Variants in TMEM178B observed in about 807,000 individuals in gnomAD.
TMEM178B encodes the protein transmembrane protein 178B.
Under a neutral mutation model 31.0 loss-of-function variants are expected in TMEM178B, and 5 were observed. The ratio of observed to expected loss-of-function variants is 0.16; its 90% CI spans 0.08 to 0.34. The LOEUF is 0.34. Among genes scored for constraint, TMEM178B ranks in the 10% least tolerant of loss-of-function variants. The pLI is 1.00. For missense variants in TMEM178B, 275 were observed against 400.3 expected (o/e 0.69, Z 2.67); for synonymous variants, 164 against 164.0 (o/e 1.00, Z 0.00).
chr7:141,163,715 AT>A (rs1237250272), intron 1 of TMEM178B, among the ~76,000 whole-genome samples: 2 of 151,996 alleles, frequency 1.3e-5, no homozygotes, highest in Non-Finnish European at 2.9e-5. Context: ...GGGTTTCACC[AT>A]GTGGCCAGGC....
the TMEM178B span, among the ~76,000 whole-genome samples, chr7:141,488,049 A>C: frequency 2.0e-5 from 3 of 152,140 alleles, no homozygotes; most frequent in African/African-American, 7.2e-5. Flanking sequence ...TCTGAGGTTC[A>C]TATACTAGAA....
chr7:141,417,840 G>C (rs1558210), intron 2 of TMEM178B, among the ~76,000 whole-genome samples: 2 of 151,758 alleles, frequency 1.3e-5, no homozygotes, highest in Non-Finnish European at 2.9e-5. Context: ...TAACAATCTT[G>C]TGAGATAGGT....
chr7:141,123,907 C>T (rs1379892096), intron 1 of TMEM178B, among the ~76,000 whole-genome samples: 2 of 152,138 alleles, frequency 1.3e-5, no homozygotes, highest in African/African-American at 2.4e-5. Flanking sequence ...CGCACAACAC[C>T]AAGCCTGGCT....
chr7:141,444,013 C>G (rs1801708313), intron 3 of TMEM178B, among the ~76,000 whole-genome samples: 1 of 152,132 alleles, frequency 6.6e-6, no homozygotes, highest in Admixed American at 6.5e-5. Flanking sequence ...TTGGTTTTGA[C>G]TACTTTTTTA....
chr7:141,238,424 G>T (rs1221668901), intron 2 of TMEM178B, among the ~76,000 whole-genome samples: 2 of 152,184 alleles, frequency 1.3e-5, no homozygotes, highest in Non-Finnish European at 2.9e-5. Flanking sequence ...CTGGCTTAGC[G>T]TGCGATAGAG....
intron 1 of TMEM178B, among the ~76,000 whole-genome samples, chr7:141,136,320 G>A (rs1795674595): frequency 6.6e-6 from 1 of 152,150 alleles, no homozygotes; most frequent in African/African-American, 2.4e-5. Flanking sequence ...AAATTGGATA[G>A]ACACATGCAG....
rs1361629030 is a variant in TMEM178B, at chr7:141,472,461, T to A, written c.*1675T>A. The stretch of plus-strand genomic sequence containing the variant: ...AAGTCAGCCAGAGAGTTGTGAACGC[T>A]GTAGGGGTGGGAGTCTGCTGGAGTG... On this transcript the variant is annotated 3_prime_UTR_variant, in exon 4 of 4. Coordinates refer to ENST00000565468, the MANE Select transcript of TMEM178B (RefSeq NM_001195278.2). 1 of 152,152 alleles carries A rather than the reference T, an allele frequency of 6.6e-6. No homozygotes were observed. The highest frequency in any genetic ancestry group is 1.5e-5 in the Non-Finnish European group (1 of 68,066). The allele number at this position is 152,152 out of a possible 1,614,324, so 9.4% of individuals were successfully genotyped here.
intron 2 of TMEM178B, among the ~76,000 whole-genome samples, chr7:141,261,241 T>C (rs1343638358): frequency 6.6e-6 from 1 of 152,170 alleles, no homozygotes; most frequent in Non-Finnish European, 1.5e-5. Context: ...AAGAGGGCAG[T>C]GCGCTCTCTT....
chr7:141,246,897 T>C (rs1797740021), intron 2 of TMEM178B, among the ~76,000 whole-genome samples: 1 of 152,150 alleles, frequency 6.6e-6, no homozygotes, highest in Non-Finnish European at 1.5e-5. Context: ...TTTTCCCCAT[T>C]ACCAAGCATT....
At chr7:141,408,227 G>A (rs979625093) in intron 2 of TMEM178B, among the ~76,000 whole-genome samples, 1 of 152,142 alleles carries the variant, frequency 6.6e-6, no homozygotes, top group African/African-American at 2.4e-5. Flanking sequence ...AGAAAGGAGA[G>A]CTAGTCCAGG....
chr7:141,371,717 C>T (rs781698901), intron 2 of TMEM178B, among the ~76,000 whole-genome samples: 1 of 152,186 alleles, frequency 6.6e-6, no homozygotes, highest in Non-Finnish European at 1.5e-5. Context: ...TACCTCTCTG[C>T]ATTAGAGGTA....
intron 2 of TMEM178B, among the ~76,000 whole-genome samples, chr7:141,402,284 C>T (rs11979956): frequency 0.034 from 5,122 of 152,308 alleles, 138 homozygotes; most frequent in African/African-American, 0.071. Flanking sequence ...TTTGCACCTG[C>T]GAGTTTAGCT....
downstream of TMEM178B, among the ~76,000 whole-genome samples, chr7:141,481,142 G>A (rs1462694779): frequency 6.6e-6 from 1 of 152,228 alleles, no homozygotes; most frequent in East Asian, 1.9e-4. Flanking sequence ...CTGCCCTGAG[G>A]CCGTATGGCG....
chr7:141,315,370 C>T (rs2116464489), intron 2 of TMEM178B, among the ~76,000 whole-genome samples: 1 of 152,264 alleles, frequency 6.6e-6, no homozygotes, highest in East Asian at 1.9e-4. Flanking sequence ...AATGTGAATC[C>T]ACACCTCCAG....
intron 1 of TMEM178B, among the ~76,000 whole-genome samples, chr7:141,099,628 A>G (rs916487461): frequency 2.6e-5 from 4 of 152,186 alleles, no homozygotes; most frequent in Admixed American, 6.5e-5. Flanking sequence ...GGTTTGCACT[A>G]TTATAGATCT....
intron 2 of TMEM178B, among the ~76,000 whole-genome samples, chr7:141,286,546 G>A (rs898635310): frequency 6.6e-6 from 1 of 152,206 alleles, no homozygotes; most frequent in African/African-American, 2.4e-5. Context: ...TTTGAAGACA[G>A]AGATGCTGGC....
intron 1 of TMEM178B, among the ~76,000 whole-genome samples, chr7:141,145,097 C>T (rs1209812023): frequency 6.6e-6 from 1 of 152,186 alleles, no homozygotes; most frequent in African/African-American, 2.4e-5. Context: ...AAGACTTGCC[C>T]CAGGCCTGTG....
chr7:141,332,320 A>G (rs1799312788), intron 2 of TMEM178B, among the ~76,000 whole-genome samples: 2 of 152,232 alleles, frequency 1.3e-5, no homozygotes, highest in Non-Finnish European at 2.9e-5. Context: ...CAAAAGGAAA[A>G]TAAGCCTCCG....
chr7:141,503,604 T>G, the TMEM178B span, among the ~76,000 whole-genome samples: 1 of 152,196 alleles, frequency 6.6e-6, no homozygotes, highest in Admixed American at 6.5e-5. Context: ...GGGGGCACAT[T>G]TCTGTCACCT....
Sources: allele counts gnomAD v4.1 joint callset (sites outside exome capture counted in the v4.1 genomes callset), GRCh38; gene constraint gnomAD v4.1.1; transcripts MANE v1.5; gene names NCBI Gene and HGNC (gene_info 2026-07-23, HGNC 2026-07-21).